CARS2: variants seen among roughly 807,000 people sequenced by gnomAD.
CARS2 encodes the protein cysteinyl-tRNA synthetase 2, mitochondrial, also known as probable cysteine--tRNA ligase, mitochondrial.
In CARS2, 52 loss-of-function variants were observed where a neutral mutation model predicts 68.8. That is an observed-to-expected ratio of 0.76 (90% CI 0.61 to 0.95). The LOEUF (loss-of-function observed/expected upper bound fraction) is 0.95, where lower values mean the gene tolerates loss of function less well. Among genes scored for constraint, CARS2 ranks in the 40% least tolerant of loss-of-function variants. CARS2 has a pLI of 0.00. For missense variants in CARS2, 780 were observed against 754.2 expected (o/e 1.03, Z -0.40); for synonymous variants, 314 against 303.6 (o/e 1.03, Z -0.36).
At chr13:110,663,112 G>A (rs1040774908) in intron 9 of CARS2, 1 of 499,218 alleles carries the variant, frequency 2.0e-6, no homozygotes, top group Non-Finnish European at 3.9e-6. Flanking sequence ...AGAGGTGGTG[G>A]GTGAGGGCGG....
Position 110,693,549 on chromosome 13 carries a change from C to T in CARS2, c.394-5531G>A, listed in dbSNP as rs183703053. Among the ~76,000 whole-genome samples, 6 of 152,150 alleles carry T rather than the reference C, an allele frequency of 3.9e-5. No individual in the cohort carries two copies. In the East Asian group the frequency reaches 7.8e-4, roughly 20 times the overall value. On this transcript the variant is annotated intron_variant, in intron 3 of 14. Transcript: ENST00000257347. ...TAATTTTTTGTATTTTTAGTAGACA[C>T]GGGGTTTTACCGTGTTAGCCAGAAT...
rs930328975 is a variant in CARS2, at chr13:110,642,703, G to A, written c.1417-182C>T. 3.9e-6 allele frequency: 3 copies of A among 766,070 alleles called. No homozygotes were observed. In the South Asian group the frequency reaches 4.1e-5, roughly 11 times the overall value. The allele number at this position is 766,070 out of a possible 1,614,324, so 47.5% of individuals were successfully genotyped here. On this transcript the variant is annotated intron_variant, in intron 13 of 14. Coordinates refer to ENST00000257347, the MANE Select transcript of CARS2 (RefSeq NM_024537.4). ...TACAGCCCGCGAGCGCTGGGCTCTG[G>A]GCAAGGCTCCACTCAACTCTGAGCA...
upstream of CARS2, among the ~76,000 whole-genome samples, chr13:110,708,627 C>T (rs562424381): frequency 1.3e-5 from 2 of 151,912 alleles, no homozygotes; most frequent in East Asian, 3.9e-4. Flanking sequence ...AGTGCAGTGG[C>T]CTGATCTGGG....
At chr13:110,706,156 C>G (rs915985995), upstream of CARS2, 6 of 1,187,470 alleles carry the variant, frequency 5.1e-6, no homozygotes, top group African/African-American at 4.9e-5. Context: ...CTGCCGGTCG[C>G]TCAAGAGCAG....
rs376508046 is a variant in CARS2, at chr13:110,649,865, CCAGG to C, written c.1054+1165_1054+1168del. Among the ~76,000 whole-genome samples, 121 of 151,804 alleles carry C rather than the reference CCAGG, an allele frequency of 8.0e-4. 1 individual carries two copies. In the South Asian group the frequency reaches 0.025, roughly 32 times the overall value. On this transcript the variant is annotated intron_variant, in intron 10 of 14. Coordinates refer to ENST00000257347, the MANE Select transcript of CARS2 (RefSeq NM_024537.4). ...CCTTATTGCCAGTTAGGTGGTCAAG[CCAGG>C]CAGGGCAGTATCACTGTCCCCAGCC...
At chr13:110,651,626 A>T (rs2062217298) in intron 9 of CARS2, among the ~76,000 whole-genome samples, 1 of 152,240 alleles carries the variant, frequency 6.6e-6, no homozygotes, top group East Asian at 1.9e-4. Flanking sequence ...CACTGGGCTA[A>T]AGCATGCGCT....
At position 110,705,643 on chromosome 13, in the gene CARS2, G is replaced by C; in HGVS notation, c.225-72C>G. 3 of 1,503,764 alleles carry C rather than the reference G, an allele frequency of 2.0e-6. No homozygotes were observed. Among genetic ancestry groups the C allele is most frequent in the Non-Finnish European group, 2.8e-6 (3 of 1,082,522 alleles). The allele number at this position is 1,503,764 out of a possible 1,614,324, so 93.2% of individuals were successfully genotyped here. A position where few individuals can be genotyped will look rare whatever the true frequency, so the allele number is the denominator to read the frequency against. On this transcript the variant is annotated intron_variant, in intron 1 of 14. Coordinates refer to ENST00000257347, the MANE Select transcript of CARS2 (RefSeq NM_024537.4). The surrounding 1 kb of genome is among the most constrained non-coding windows in gnomAD (Gnocchi z 4.0). Reference sequence around the variant, plus strand: ...AGGACATTCGATTCTGAGTTATAATGATCATATAATTTTTAAAGTAATCAC... The same window carrying C: ...AGGACATTCGATTCTGAGTTATAATCATCATATAATTTTTAAAGTAATCAC...
At chr13:110,707,685 C>T (rs1357441586), upstream of CARS2, 6 of 151,210 alleles carry the variant, frequency 4.0e-5, no homozygotes, top group Non-Finnish European at 8.8e-5. Flanking sequence ...TCTTGCAATA[C>T]GATGTCTCAA....
chr13:110,644,014 C>T, intron 13 of CARS2: 1 of 943,064 alleles, frequency 1.1e-6, no homozygotes, highest in African/African-American at 1.7e-5. Flanking sequence ...GGCAAGGGGG[C>T]TCAGGTCGCC....
intron 6 of CARS2, 110 bp from the exon 7 acceptor site, chr13:110,677,213 AAC>A (rs1252933210): frequency 1.3e-5 from 15 of 1,127,198 alleles, no homozygotes; most frequent in Non-Finnish European, 1.8e-5. Flanking sequence ...CCACCATGGA[AAC>A]ACAGAAAATC....
rs188326492 is a variant in CARS2, at chr13:110,654,649, G to A, written c.988-3549C>T. Among the ~76,000 whole-genome samples, 200 of 152,010 alleles carry A rather than the reference G, an allele frequency of 1.3e-3. 1 individual carries two copies. The highest frequency in any genetic ancestry group is 4.7e-3 in the African/African-American group (194 of 41,446). On this transcript the variant is annotated intron_variant, in intron 9 of 14. Coordinates refer to ENST00000257347, the MANE Select transcript of CARS2 (RefSeq NM_024537.4). ...ACAAGAAAAATGGGCCAGGTGCCGT[G>A]GGTCACACCTGTAATCCCAGCGCTT...
intron 9 of CARS2, among the ~76,000 whole-genome samples, chr13:110,654,850 A>G (rs914170237): frequency 1.4e-5 from 2 of 147,902 alleles, no homozygotes; most frequent in African/African-American, 5.1e-5. Context: ...CACAAGTTCC[A>G]GGCTGCAGTG....
In CARS2 at chr13:110,687,995, G is replaced by A. The variant is rs2304767; in HGVS notation, c.417C>T (p.Leu139=). The A allele has an allele frequency of 0.3, 484,271 of 1,607,640 alleles. 79,351 individuals are homozygous for A. The highest frequency in any genetic ancestry group is 0.34 in the Non-Finnish European group (404,067 of 1,175,512). The change falls in exon 4 of 15, where the codon CTC becomes CTT. Residue 139 remains leucine, a synonymous_variant. Transcript: ENST00000257347. ...ANEMNISPAS[L]ASLYEEDFKQ... ...TGAAGTCTTCCTCATAAAGACTGGC[G>A]AGGGAAGCGGGGGAAATATTCATCT... is the stretch of plus-strand genomic sequence containing the variant.
Position 110,659,678 on chromosome 13 carries a change from T to A in CARS2, c.987+3773A>T, listed in dbSNP as rs558501734. On this transcript the variant is annotated intron_variant, in intron 9 of 14. Transcript: ENST00000257347. The stretch of plus-strand genomic sequence containing the variant: ...ATTATACTGCAGTCTATTAAGTATA[T>A]AATAGCATTATGTCTGAAAGAACAA... 2.0e-5 allele frequency among the ~76,000 whole-genome samples: 3 copies of A among 152,316 alleles called. No homozygotes were observed. In the South Asian group the frequency reaches 6.2e-4, roughly 32 times the overall value.
At position 110,706,074 on chromosome 13, in the gene CARS2, C is replaced by T. The variant is rs2063947960; in HGVS notation, c.20G>A (p.Gly7Asp). 1 of 1,340,044 alleles carries T rather than the reference C, an allele frequency of 7.5e-7. No homozygotes were observed. The highest frequency in any genetic ancestry group is 9.6e-7 in the Non-Finnish European group (1 of 1,046,692). The allele number at this position is 1,340,044 out of a possible 1,614,324, so 83.0% of individuals were successfully genotyped here. Residue 7 changes from glycine (G) to aspartate (D), a missense_variant, in exon 1 of 15, where the codon GGC becomes GAC. Coordinates refer to ENST00000257347, the MANE Select transcript of CARS2 (RefSeq NM_024537.4). ...GAGCAGCGGGGGGCCCAGGCCTGGG[C>T]CGCGCGTAGTCCTCAACATGTCAGC... MLRTTR[G>D]PGLGPPLLQA...
chr13:110,660,618 T>C (rs903833001), intron 9 of CARS2, among the ~76,000 whole-genome samples: 6 of 152,226 alleles, frequency 3.9e-5, no homozygotes, highest in African/African-American at 1.4e-4. Context: ...ACTGTCAATA[T>C]TTGGAAAGGA....
In CARS2 at chr13:110,682,091, A is replaced by G. The variant is rs79223656; in HGVS notation, c.655+960T>C. Among the ~76,000 whole-genome samples the G allele has an allele frequency of 2.8e-3, 430 of 151,028 alleles. 1 individual carries two copies. Among genetic ancestry groups the G allele is most frequent in the African/African-American group, 9.9e-3 (411 of 41,330 alleles). On this transcript the variant is annotated intron_variant, in intron 6 of 14. Coordinates refer to ENST00000257347, the MANE Select transcript of CARS2 (RefSeq NM_024537.4). ...GTCTCTGGGCAAAGCTGATGCGTCA[A>G]TGGTGGGGGATGCTGACAGTGTGGG...
At chr13:110,652,210 C>CCAGA (rs1257460687) in intron 9 of CARS2, among the ~76,000 whole-genome samples, 1 of 152,230 alleles carries the variant, frequency 6.6e-6, no homozygotes, top group Admixed American at 6.5e-5. Flanking sequence ...CAACACAAGC[C>CCAGA]CAGAGCACAG....
intron 10 of CARS2, 133 bp downstream of exon 10, chr13:110,650,901 C>A (rs2062191184): frequency 1.5e-6 from 1 of 681,428 alleles, no homozygotes; most frequent in Admixed American, 2.5e-5. Context: ...TCAACCCGAA[C>A]CGTAAGGCAC....
Sources: gnomAD v4.1 joint callset for allele counts (sites outside exome capture counted in the v4.1 genomes callset) on GRCh38, gnomAD v4.1.1 for gene constraint, Gnocchi (gnomAD v3.1) non-coding constraint, MANE v1.5 for transcripts, NCBI Gene and HGNC (gene_info 2026-07-23, HGNC 2026-07-21) for gene names.